Variants in ARHGEF3 observed in about 807,000 individuals in gnomAD.
The protein encoded by ARHGEF3 is 59.8 kDA protein.
Under a neutral mutation model 63.2 loss-of-function variants are expected in ARHGEF3, and 28 were observed. The observed-to-expected ratio is 0.44, with a 90% CI of 0.33 to 0.61. The LOEUF (loss-of-function observed/expected upper bound fraction) is 0.61. ARHGEF3 is among the 20% of genes least tolerant of loss of function. The pLI is 0.03. For synonymous variants in ARHGEF3, 266 were observed against 254.2 expected, an observed-to-expected ratio of 1.05 and a Z score of -0.44; for missense variants, 533 against 659.3, an observed-to-expected ratio of 0.81 and a Z score of 2.10.
At chr3:56,899,285 C>T (rs1437106728) in intron 3 of ARHGEF3, among the ~76,000 whole-genome samples, 1 of 152,166 alleles carries the variant, frequency 6.6e-6, no homozygotes, top group Admixed American at 6.5e-5. Context: ...GGGTGGGGCA[C>T]CGGGAGAGTC....
chr3:56,876,390 G>A (rs776421018), intron 4 of ARHGEF3, among the ~76,000 whole-genome samples: 4 of 152,114 alleles, frequency 2.6e-5, no homozygotes, highest in South Asian at 2.1e-4. Flanking sequence ...AATACTGCTC[G>A]GCCTCAATGA....
chr3:57,070,721 G>A (rs900804229), intron 1 of ARHGEF3, among the ~76,000 whole-genome samples: 3 of 152,268 alleles, frequency 2.0e-5, no homozygotes, highest in Admixed American at 6.5e-5. Context: ...CACTTTGGCA[G>A]GCCAAGGTGG....
intron 1 of ARHGEF3, among the ~76,000 whole-genome samples, chr3:57,059,044 T>C (rs186843352): frequency 4.9e-4 from 73 of 149,820 alleles, no homozygotes; most frequent in African/African-American, 1.8e-3. Flanking sequence ...CTAATGTAAA[T>C]GATGAGTTAA....
At chr3:56,967,528 G>T (rs1180324293) in intron 2 of ARHGEF3, among the ~76,000 whole-genome samples, 3 of 77,496 alleles carry the variant, frequency 3.9e-5, no homozygotes, top group Non-Finnish European at 4.4e-5. Flanking sequence ...TATATTATAT[G>T]TATAATATAT....
chr3:57,049,370 A>C (rs981503975), intron 1 of ARHGEF3, among the ~76,000 whole-genome samples: 9 of 152,166 alleles, frequency 5.9e-5, no homozygotes, highest in African/African-American at 1.9e-4. Context: ...CCCTGACTCC[A>C]ATAAATAAAC....
At chr3:56,895,768 G>C (rs1305513246) in intron 3 of ARHGEF3, among the ~76,000 whole-genome samples, 1 of 152,066 alleles carries the variant, frequency 6.6e-6, no homozygotes, top group Non-Finnish European at 1.5e-5. Context: ...CGGCCATTCA[G>C]GTCCATCGTT....
At chr3:57,017,067 A>C (rs372237551) in intron 2 of ARHGEF3, among the ~76,000 whole-genome samples, 9,703 of 121,838 alleles carry the variant, frequency 0.08, 484 homozygotes, top group Non-Finnish European at 0.12. Flanking sequence ...CACACACACG[A>C]GTCACCAAAC....
At chr3:56,873,936 T>C (rs1247757174) in intron 4 of ARHGEF3, among the ~76,000 whole-genome samples, 4 of 152,200 alleles carry the variant, frequency 2.6e-5, no homozygotes, top group Admixed American at 6.5e-5. Flanking sequence ...AAGGTGAATA[T>C]GCTGACTTAC....
At chr3:56,806,885 A>G (rs2037879983), upstream of ARHGEF3, among the ~76,000 whole-genome samples, 1 of 148,944 alleles carries the variant, frequency 6.7e-6, no homozygotes, top group Non-Finnish European at 1.5e-5. Context: ...AGGAATAGCG[A>G]GTTCCTTTTT....
At chr3:56,946,189 A>G (rs1280294913) in intron 3 of ARHGEF3, among the ~76,000 whole-genome samples, 2 of 152,248 alleles carry the variant, frequency 1.3e-5, no homozygotes, top group African/African-American at 4.8e-5. Flanking sequence ...AAAACAGAGC[A>G]GAAAATCTAG....
At chr3:56,850,053 A>G (rs1300064806) in intron 4 of ARHGEF3, among the ~76,000 whole-genome samples, 2 of 151,538 alleles carry the variant, frequency 1.3e-5, no homozygotes, top group Non-Finnish European at 1.5e-5. Flanking sequence ...CCACCCCCTC[A>G]CCAGTAACAC....
intron 1 of ARHGEF3, among the ~76,000 whole-genome samples, chr3:56,789,730 T>C (rs1467336561): frequency 6.6e-6 from 1 of 152,234 alleles, no homozygotes; most frequent in Non-Finnish European, 1.5e-5. Flanking sequence ...CCTTAATTAG[T>C]CATTTTTTAC....
chr3:56,814,765 T>C (rs2038205464), intron 4 of ARHGEF3, among the ~76,000 whole-genome samples: 1 of 152,048 alleles, frequency 6.6e-6, no homozygotes, highest in South Asian at 2.1e-4. Context: ...AATCTTATAA[T>C]TTCAAAAAAG....
upstream of ARHGEF3, among the ~76,000 whole-genome samples, chr3:56,803,645 A>G (rs1039058367): frequency 3.3e-5 from 5 of 151,524 alleles, no homozygotes; most frequent in Non-Finnish European, 5.9e-5. Context: ...CTACAAAAAA[A>G]TTTAAAAATT....
At chr3:56,994,083 A>AAAAAAAAAAAAAAAAAAAC (rs1319930684) in intron 2 of ARHGEF3, among the ~76,000 whole-genome samples, 1 of 146,058 alleles carries the variant, frequency 6.8e-6, no homozygotes, top group African/African-American at 2.5e-5. Flanking sequence ...AAAAAAAAAA[A>AAAAAAAAAAAAAAAAAAAC]AAGCACACTG....
At chr3:56,997,707 C>T (rs993384057) in intron 2 of ARHGEF3, among the ~76,000 whole-genome samples, 2 of 152,138 alleles carry the variant, frequency 1.3e-5, no homozygotes, top group Admixed American at 1.3e-4. Context: ...ATGAGAGGCC[C>T]CCAGTAGGAG....
rs114039168 is a variant in ARHGEF3 at position 56,773,198 on chromosome 3, T to A, written c.204+511A>T. On this transcript the variant is annotated intron_variant, in intron 2 of 9. Coordinates refer to ENST00000296315, the MANE Select transcript of ARHGEF3 (RefSeq NM_019555.3). ...AACTTTATTTATGGATACTGAAATT[T>A]GAATTTCATGTCGTTTTCATGTGTC... Among the ~76,000 whole-genome samples the A allele has an allele frequency of 9.3e-3, 1,423 of 152,340 alleles. 18 individuals are homozygous for A. Among genetic ancestry groups the A allele is most frequent in the South Asian group, 0.043 (207 of 4,828 alleles).
intron 1 of ARHGEF3, among the ~76,000 whole-genome samples, chr3:57,036,979 A>G (rs767387377): frequency 5.3e-4 from 80 of 152,336 alleles, no homozygotes; most frequent in Non-Finnish European, 9.1e-4. Context: ...CTTGTACCCC[A>G]AGGCGTTAGA....
At chr3:56,987,399 C>T (rs981179259) in intron 2 of ARHGEF3, among the ~76,000 whole-genome samples, 1 of 152,190 alleles carries the variant, frequency 6.6e-6, no homozygotes, top group African/African-American at 2.4e-5. Flanking sequence ...GTTACCAGCA[C>T]CAGCACTGGG....
Sources: allele counts gnomAD v4.1 joint callset (sites outside exome capture counted in the v4.1 genomes callset), GRCh38; gene constraint gnomAD v4.1.1; transcripts MANE v1.5; gene names NCBI Gene and HGNC (gene_info 2026-07-23, HGNC 2026-07-21).